NXPH2: variants seen among roughly 807,000 people sequenced by gnomAD.
NXPH2 encodes neurexophilin-2.
Under a neutral mutation model 19.8 loss-of-function variants are expected in NXPH2, and 5 were observed. The ratio of observed to expected loss-of-function variants is 0.25; its 90% CI spans 0.13 to 0.53. The LOEUF (loss-of-function observed/expected upper bound fraction) is 0.53, where lower values mean the gene tolerates loss of function less well. Ranked by LOEUF, NXPH2 falls within the 20% of genes least tolerant of loss-of-function variation. The pLI is 0.96. For missense variants in NXPH2, 289 were observed against 322.8 expected, an observed-to-expected ratio of 0.90 and a Z score of 0.80; for synonymous variants, 154 against 127.4, an observed-to-expected ratio of 1.21 and a Z score of -1.41.
chr2:138,752,310 C>T (rs1045415362), intron 1 of NXPH2, among the ~76,000 whole-genome samples: 1 of 152,058 alleles, frequency 6.6e-6, no homozygotes, highest in Non-Finnish European at 1.5e-5. Context: ...CTCAGGCATC[C>T]AGTAGAGTTC....
chr2:138,674,548 G>C (rs953774126), intron 1 of NXPH2, among the ~76,000 whole-genome samples: 7 of 152,172 alleles, frequency 4.6e-5, no homozygotes, highest in African/African-American at 1.7e-4. Flanking sequence ...GCCTCTCAAA[G>C]TGTTGGGATT....
At chr2:138,680,146 A>G (rs1680551136) in intron 1 of NXPH2, among the ~76,000 whole-genome samples, 3 of 152,234 alleles carry the variant, frequency 2.0e-5, no homozygotes, top group Admixed American at 2.0e-4. Flanking sequence ...CATCAGGAGC[A>G]TAAAAATGGT....
chr2:138,770,664 G>T (rs1682162646), intron 1 of NXPH2, among the ~76,000 whole-genome samples: 1 of 151,862 alleles, frequency 6.6e-6, no homozygotes, highest in African/African-American at 2.4e-5. Flanking sequence ...AAAATAAATA[G>T]TTTTCCTTAC....
chr2:138,741,564 A>G (rs986795037), intron 1 of NXPH2, among the ~76,000 whole-genome samples: 1 of 152,210 alleles, frequency 6.6e-6, no homozygotes, highest in African/African-American at 2.4e-5. Context: ...TCATTTAGGG[A>G]TGTAATTTCC....
At chr2:138,744,342 A>C (rs1430748214) in intron 1 of NXPH2, among the ~76,000 whole-genome samples, 1 of 152,214 alleles carries the variant, frequency 6.6e-6, no homozygotes, top group Non-Finnish European at 1.5e-5. Context: ...AAATAAATAA[A>C]AGTGAAAACA....
intron 1 of NXPH2, among the ~76,000 whole-genome samples, chr2:138,738,197 A>C (rs1358923255): frequency 2.6e-5 from 4 of 152,134 alleles, no homozygotes; most frequent in African/African-American, 9.7e-5. Context: ...AAAGGAAAGA[A>C]AGCAGAGTTT....
chr2:138,776,286 A>T (rs966987677), intron 1 of NXPH2, among the ~76,000 whole-genome samples: 1 of 152,076 alleles, frequency 6.6e-6, no homozygotes, highest in African/African-American at 2.4e-5. Context: ...TACAATTACT[A>T]ATCAAAAACC....
intron 1 of NXPH2, among the ~76,000 whole-genome samples, chr2:138,708,187 C>G (rs986035723): frequency 2.0e-5 from 3 of 152,156 alleles, no homozygotes; most frequent in African/African-American, 7.2e-5. Context: ...CATGGGACAA[C>G]AGGAAAGCCG....
At chr2:138,691,093 G>A (rs1284292755) in intron 1 of NXPH2, among the ~76,000 whole-genome samples, 1 of 152,200 alleles carries the variant, frequency 6.6e-6, no homozygotes, top group Admixed American at 6.5e-5. Context: ...AATTGCATGA[G>A]GCTAGTGTGG....
At chr2:138,688,697 A>G (rs974374396) in intron 1 of NXPH2, among the ~76,000 whole-genome samples, 1 of 152,238 alleles carries the variant, frequency 6.6e-6, no homozygotes, top group Admixed American at 6.5e-5. Context: ...TAAGGATCTT[A>G]TGACAAAAAT....
chr2:138,680,682 G>C (rs1426871927), intron 1 of NXPH2, among the ~76,000 whole-genome samples: 2 of 152,100 alleles, frequency 1.3e-5, no homozygotes, highest in Non-Finnish European at 2.9e-5. Flanking sequence ...TAAGCAACAG[G>C]GCAGGGAGTG....
intron 1 of NXPH2, among the ~76,000 whole-genome samples, chr2:138,685,565 GC>G (rs1406875479): frequency 2.6e-5 from 4 of 152,166 alleles, no homozygotes; most frequent in African/African-American, 7.2e-5. Flanking sequence ...TCATAGCTTA[GC>G]CTAATCTACC....
At chr2:138,697,456 G>C (rs1260715242) in intron 1 of NXPH2, among the ~76,000 whole-genome samples, 1 of 151,924 alleles carries the variant, frequency 6.6e-6, no homozygotes, top group Admixed American at 6.6e-5. Context: ...AGTATTAAAA[G>C]ATAATTTATA....
chr2:138,708,690 T>C (rs1271501742), intron 1 of NXPH2, among the ~76,000 whole-genome samples: 1 of 152,202 alleles, frequency 6.6e-6, no homozygotes, highest in Non-Finnish European at 1.5e-5. Flanking sequence ...TTGAATGTTG[T>C]TCTAAATTAA....
At chr2:138,707,934 A>C (rs1681042522) in intron 1 of NXPH2, among the ~76,000 whole-genome samples, 1 of 152,078 alleles carries the variant, frequency 6.6e-6, no homozygotes, top group Admixed American at 6.5e-5. Flanking sequence ...TTAAAATCTG[A>C]CCTTGTCAGA....
chr2:138,743,047 A>T lies in NXPH2; in HGVS notation c.51+37144T>A, dbSNP rs189800862. Among the ~76,000 whole-genome samples, 101 of 152,370 alleles carry T rather than the reference A, an allele frequency of 6.6e-4. 3 individuals carry two copies. In the East Asian group the frequency reaches 0.019, roughly 29 times the overall value. On this transcript the variant is annotated intron_variant, in intron 1 of 1. Transcript: ENST00000272641. ...TACAGGACTATTCCCTCTGATAAACAGTTGTAGCTCACATTTCAAAGAAAA... is the reference window on the plus strand; with the variant it reads ...TACAGGACTATTCCCTCTGATAAACTGTTGTAGCTCACATTTCAAAGAAAA...
At chr2:138,720,748 A>G (rs753515400) in intron 1 of NXPH2, among the ~76,000 whole-genome samples, 1 of 152,122 alleles carries the variant, frequency 6.6e-6, no homozygotes, top group African/African-American at 2.4e-5. Context: ...CCCATTTTCT[A>G]GTTATAGGAT....
intron 1 of NXPH2, among the ~76,000 whole-genome samples, chr2:138,701,614 G>A (rs114950999): frequency 0.021 from 3,183 of 152,260 alleles, 50 homozygotes; most frequent in Non-Finnish European, 0.033. Flanking sequence ...AGGAGATTGC[G>A]GCTTGGAGGG....
At chr2:138,692,336 C>T (rs1199765794) in intron 1 of NXPH2, among the ~76,000 whole-genome samples, 1 of 152,186 alleles carries the variant, frequency 6.6e-6, no homozygotes, top group Non-Finnish European at 1.5e-5. Context: ...AGCGAAACAT[C>T]AATGCTTGTT....
Sources: gnomAD v4.1 joint callset for allele counts (sites outside exome capture counted in the v4.1 genomes callset) on GRCh38, gnomAD v4.1.1 for gene constraint, MANE v1.5 for transcripts, NCBI Gene and HGNC (gene_info 2026-07-23, HGNC 2026-07-21) for gene names.